SYN2: variants seen among roughly 807,000 people sequenced by gnomAD.
SYN2 encodes the protein synapsin II, also known as synapsin-2.
A neutral mutation model predicts 50.9 loss-of-function variants in SYN2; 19 were observed. That is an observed-to-expected ratio of 0.37 (90% CI 0.26 to 0.55). SYN2 has a LOEUF of 0.55. SYN2 is among the 20% of genes least tolerant of loss of function. The probability of loss-of-function intolerance (pLI) is 0.81; values close to 1 mark genes in which losing one functional copy is unlikely to be tolerated. For synonymous variants in SYN2, 255 were observed against 224.9 expected, an observed-to-expected ratio of 1.13 and a Z score of -1.20; for missense variants, 587 against 576.4, an observed-to-expected ratio of 1.02 and a Z score of -0.19.
chr3:12,053,294 G>T (rs973327820), intron 1 of SYN2, among the ~76,000 whole-genome samples: 59 of 152,066 alleles, frequency 3.9e-4, no homozygotes, highest in African/African-American at 1.4e-3. Flanking sequence ...GGTGGTGGGT[G>T]CCTGTAGTCC....
rs577685543 is a variant in SYN2, at chr3:12,164,388, C to T, written c.980+2234C>T. Among the ~76,000 whole-genome samples the T allele has an allele frequency of 2.0e-5, 3 of 152,268 alleles. No homozygotes were observed. In the East Asian group the frequency reaches 5.8e-4, roughly 29 times the overall value. Reference sequence around the variant, plus strand: ...AGAAGCTTTAGATAACATTTATTTACTTTTTTGGTGTGCAAGGGACCGTCA... The same window carrying T: ...AGAAGCTTTAGATAACATTTATTTATTTTTTTGGTGTGCAAGGGACCGTCA... On this transcript the variant is annotated intron_variant, in intron 7 of 12. Transcript: ENST00000621198.
At chr3:12,113,323 TAC>T (rs1696365065) in intron 1 of SYN2, among the ~76,000 whole-genome samples, 1 of 152,204 alleles carries the variant, frequency 6.6e-6, no homozygotes, top group East Asian at 1.9e-4. Flanking sequence ...ATATATGATT[TAC>T]ATTTTCTCCA....
chr3:12,109,980 G>A (rs968372987), intron 1 of SYN2, among the ~76,000 whole-genome samples: 4 of 152,142 alleles, frequency 2.6e-5, no homozygotes, highest in African/African-American at 9.7e-5. Flanking sequence ...TTGAGCCTGG[G>A]AGTTTGAGAC....
intron 1 of SYN2, among the ~76,000 whole-genome samples, chr3:12,049,257 G>A (rs974715544): frequency 6.6e-6 from 1 of 152,122 alleles, no homozygotes; most frequent in African/African-American, 2.4e-5. Flanking sequence ...GGTGGCTCAT[G>A]CCCATAATCC....
intron 6 of SYN2, 176 bp downstream of exon 6, chr3:12,161,784 G>A: frequency 1.0e-6 from 1 of 961,694 alleles, no homozygotes; most frequent in Non-Finnish European, 1.6e-6. Flanking sequence ...TCAGTAAGCA[G>A]AATGCAAGCC....
At chr3:12,187,672 G>T in intron 12 of SYN2, 60 bp downstream of exon 12, 1 of 1,466,422 alleles carries the variant, frequency 6.8e-7, no homozygotes, top group Non-Finnish European at 9.1e-7. Context: ...TGGGCCTTGG[G>T]CTCCAGAGCT....
intron 3 of SYN2, among the ~76,000 whole-genome samples, chr3:12,143,423 AG>A (rs1464095971): frequency 6.6e-6 from 1 of 152,128 alleles, no homozygotes; most frequent in Non-Finnish European, 1.5e-5. Flanking sequence ...GTAATTTTTC[AG>A]CCCTCATCCC....
chr3:12,132,907 A>G (rs1574958158), intron 1 of SYN2, among the ~76,000 whole-genome samples: 1 of 152,188 alleles, frequency 6.6e-6, no homozygotes, highest in Non-Finnish European at 1.5e-5. Flanking sequence ...ACCAGATTGT[A>G]GTTGAGCATT....
At chr3:12,038,457 C>T (rs1649587380) in intron 1 of SYN2, among the ~76,000 whole-genome samples, 1 of 151,944 alleles carries the variant, frequency 6.6e-6, no homozygotes, top group Admixed American at 6.6e-5. Flanking sequence ...TGAATTTCTG[C>T]AAAAAAGGCA....
At chr3:12,028,755 C>A (rs1410078690) in intron 1 of SYN2, among the ~76,000 whole-genome samples, 1 of 149,194 alleles carries the variant, frequency 6.7e-6, no homozygotes, top group East Asian at 2.0e-4. Flanking sequence ...TGTTTGAGTT[C>A]TTTGTAGATT....
chr3:12,011,366 C>G (rs1217407588), intron 1 of SYN2, among the ~76,000 whole-genome samples: 1 of 152,138 alleles, frequency 6.6e-6, no homozygotes, highest in Non-Finnish European at 1.5e-5. Context: ...GAAGGCTTTT[C>G]TGTTCTGCAG....
chr3:12,075,437 T>C (rs544291885), intron 1 of SYN2, among the ~76,000 whole-genome samples: 4 of 152,162 alleles, frequency 2.6e-5, no homozygotes, highest in African/African-American at 9.7e-5. Flanking sequence ...ACAATTGATA[T>C]GATGTCAATT....
intron 1 of SYN2, among the ~76,000 whole-genome samples, chr3:12,040,436 T>C (rs1364937371): frequency 6.7e-6 from 1 of 148,290 alleles, no homozygotes; most frequent in Non-Finnish European, 1.5e-5. Context: ...GTTTCTTTTT[T>C]TTTTTTTTTT....
chr3:12,154,015 A>C (rs1353454684), intron 5 of SYN2, among the ~76,000 whole-genome samples: 1 of 152,172 alleles, frequency 6.6e-6, no homozygotes, highest in Non-Finnish European at 1.5e-5. Context: ...TTAATTCTTC[A>C]TAAATATGTT....
In SYN2 at chr3:12,187,604, A is replaced by G; in HGVS notation, c.1605A>G (p.Pro535=). 6.5e-7 allele frequency: 1 copy of G among 1,548,110 alleles called. No individual in the cohort carries two copies. The highest frequency in any genetic ancestry group is 8.7e-7 in the Non-Finnish European group (1 of 1,143,934). ...AAPPQKPQPH[P]QLNKSQSLTN... ...CACCACAGAAGCCCCAGCCTCACCC[A>G]CAGCTCAAGTAAGAGACAACTCAGC... The change falls in exon 12 of 13, where the codon CCA becomes CCG. Residue 535 remains proline, a synonymous_variant. Transcript: ENST00000621198.
intron 1 of SYN2, among the ~76,000 whole-genome samples, chr3:12,046,064 T>G (rs1694731893): frequency 6.6e-6 from 1 of 152,174 alleles, no homozygotes. Flanking sequence ...TGATTATACT[T>G]TCTACTAGGA....
intron 1 of SYN2, among the ~76,000 whole-genome samples, chr3:12,045,816 T>C (rs1694726038): frequency 6.6e-6 from 1 of 152,134 alleles, no homozygotes; most frequent in Non-Finnish European, 1.5e-5. Flanking sequence ...GAGAGTACTA[T>C]ATAGAATTTG....
Position 12,119,223 on chromosome 3 carries a change from T to TAA in SYN2, c.378-21419_378-21418dup, listed in dbSNP as rs138305823. Among the ~76,000 whole-genome samples, 58 of 148,906 alleles carry TAA rather than the reference T, an allele frequency of 3.9e-4. 2 individuals are homozygous for TAA. The highest frequency in any genetic ancestry group is 3.7e-3 in the Admixed American group (55 of 14,966). ...GTCAGCTATCCTTCCTTGGTTAGGT[T>TAA]AAAAAAAAAACAATAACAACTCTTC... On this transcript the variant is annotated intron_variant, in intron 1 of 12. Coordinates refer to ENST00000621198, the MANE Select transcript of SYN2 (RefSeq NM_133625.6).
intron 7 of SYN2, chr3:12,165,658 CTA>C (rs957735048): frequency 6.6e-6 from 1 of 152,308 alleles, no homozygotes; most frequent in African/African-American, 2.4e-5. Context: ...TTGTGAGACT[CTA>C]TTATGTGCCA....
Sources: allele counts gnomAD v4.1 joint callset (sites outside exome capture counted in the v4.1 genomes callset), GRCh38; gene constraint gnomAD v4.1.1; transcripts MANE v1.5; gene names NCBI Gene and HGNC (gene_info 2026-07-23, HGNC 2026-07-21).